The following TMEM132D variants were observed in gnomAD, a reference collection of about 807,000 sequenced individuals.
TMEM132D encodes mature OL transmembrane protein.
TMEM132D carries 21 observed loss-of-function variants against 62.3 expected under a neutral mutation model. That is an observed-to-expected ratio of 0.34 (90% confidence interval 0.24 to 0.49). The LOEUF is 0.49. TMEM132D is among the 20% of genes least tolerant of loss of function. The pLI, the probability that TMEM132D is intolerant of heterozygous loss-of-function variation, is 0.99. For missense variants in TMEM132D, 1,346 were observed against 1,402.8 expected (o/e 0.96, Z 0.65); for synonymous variants, 621 against 575.6 (o/e 1.08, Z -1.13).
At chr12:129,768,004 G>A (rs865935655) in intron 1 of TMEM132D, among the ~76,000 whole-genome samples, 2 of 152,030 alleles carry the variant, frequency 1.3e-5, no homozygotes, top group African/African-American at 4.8e-5. Context: ...ATCAGATCTT[G>A]TAAGACTTAT....
chr12:129,496,442 C>A (rs1164455207), intron 3 of TMEM132D, among the ~76,000 whole-genome samples: 1 of 152,068 alleles, frequency 6.6e-6, no homozygotes, highest in Non-Finnish European at 1.5e-5. Flanking sequence ...CTGCGACCCC[C>A]TGATGTCTAA....
At chr12:129,264,344 G>C (rs1880630576) in intron 4 of TMEM132D, among the ~76,000 whole-genome samples, 1 of 152,082 alleles carries the variant, frequency 6.6e-6, no homozygotes, top group South Asian at 2.1e-4. Context: ...AGCAGAGATT[G>C]TGCCACTGCA....
At chr12:129,207,871 T>C (rs539830098) in intron 5 of TMEM132D, among the ~76,000 whole-genome samples, 3 of 152,356 alleles carry the variant, frequency 2.0e-5, no homozygotes, top group African/African-American at 4.8e-5. Flanking sequence ...GTAACTGAGA[T>C]AGCCTCCACC....
At chr12:129,109,573 C>G (rs1040188467) in intron 5 of TMEM132D, 5 of 152,390 alleles carry the variant, frequency 3.3e-5, no homozygotes, top group African/African-American at 9.7e-5. Flanking sequence ...TGGGAGGTAA[C>G]GGAATCACGG....
At chr12:129,624,590 C>G (rs1593094289) in intron 2 of TMEM132D, among the ~76,000 whole-genome samples, 1 of 152,370 alleles carries the variant, frequency 6.6e-6, no homozygotes, top group East Asian at 1.9e-4. Context: ...CCACTGTCAG[C>G]CCACGCCAAT....
chr12:129,084,971 C>T (rs1485945159), intron 5 of TMEM132D: 10 of 528,522 alleles, frequency 1.9e-5, no homozygotes, highest in East Asian at 3.2e-5. Flanking sequence ...CCAGGGGCTG[C>T]GTGTGTTGCC....
intron 3 of TMEM132D, among the ~76,000 whole-genome samples, chr12:129,439,439 G>A (rs918986677): frequency 6.6e-6 from 1 of 152,040 alleles, no homozygotes; most frequent in Admixed American, 6.6e-5. Context: ...AAGCACTGGA[G>A]TTGTTTTTTG....
At chr12:129,575,319 C>A (rs991134526) in intron 2 of TMEM132D, among the ~76,000 whole-genome samples, 78 of 151,734 alleles carry the variant, frequency 5.1e-4, no homozygotes, top group Non-Finnish European at 4.3e-4. Flanking sequence ...GTCATTCCGC[C>A]GGTCCTGCTC....
intron 1 of TMEM132D, among the ~76,000 whole-genome samples, chr12:129,801,940 G>A (rs868510805): frequency 0.014 from 2,092 of 151,176 alleles, 49 homozygotes; most frequent in African/African-American, 0.048. Flanking sequence ...GGGTATCAGC[G>A]ATGGAAGATG....
At chr12:129,300,998 C>T (rs1365335520) in intron 4 of TMEM132D, among the ~76,000 whole-genome samples, 1 of 152,174 alleles carries the variant, frequency 6.6e-6, no homozygotes, top group African/African-American at 2.4e-5. Context: ...TACATACATA[C>T]AAATGATCGA....
intron 2 of TMEM132D, among the ~76,000 whole-genome samples, chr12:129,594,269 C>T (rs929018356): frequency 2.0e-5 from 3 of 152,140 alleles, no homozygotes; most frequent in Admixed American, 1.3e-4. Context: ...GATGATGATT[C>T]GCTTCCACGT....
intron 3 of TMEM132D, among the ~76,000 whole-genome samples, chr12:129,497,717 T>G (rs898161881): frequency 2.0e-5 from 3 of 152,056 alleles, no homozygotes; most frequent in Non-Finnish European, 2.9e-5. Flanking sequence ...TGGAATACAT[T>G]GGTGTGATCA....
intron 5 of TMEM132D, chr12:129,170,362 T>C (rs1473779961): frequency 6.6e-6 from 1 of 152,182 alleles, no homozygotes; most frequent in East Asian, 1.9e-4. Flanking sequence ...ACCTTGGAGA[T>C]ATTGTGGATT....
intron 3 of TMEM132D, among the ~76,000 whole-genome samples, chr12:129,446,647 A>C (rs1873106067): frequency 1.3e-5 from 2 of 152,216 alleles, no homozygotes. Context: ...TGAATGATAA[A>C]AATATTCACA....
chr12:129,599,704 A>G (rs1878435797), intron 2 of TMEM132D, among the ~76,000 whole-genome samples: 1 of 152,222 alleles, frequency 6.6e-6, no homozygotes, highest in African/African-American at 2.4e-5. Context: ...CCATAAAGTG[A>G]GTCACACATT....
intron 3 of TMEM132D, among the ~76,000 whole-genome samples, chr12:129,476,557 G>A (rs1874262870): frequency 6.6e-6 from 1 of 152,176 alleles, no homozygotes; most frequent in African/African-American, 2.4e-5. Context: ...CACTCCTTGG[G>A]TCCAGGGGAT....
chr12:129,464,319 G>A (rs1000770955), intron 3 of TMEM132D, among the ~76,000 whole-genome samples: 2 of 151,968 alleles, frequency 1.3e-5, no homozygotes, highest in African/African-American at 4.8e-5. Flanking sequence ...TTTTGATGGG[G>A]TTGTTTTTTT....
chr12:129,545,596 C>T (rs1876710356), intron 2 of TMEM132D, among the ~76,000 whole-genome samples: 1 of 152,140 alleles, frequency 6.6e-6, no homozygotes, highest in Non-Finnish European at 1.5e-5. Context: ...AGACTTCATG[C>T]CCATTGCACA....
chr12:129,358,532 C>T (rs1205777917), intron 3 of TMEM132D, among the ~76,000 whole-genome samples: 1 of 152,126 alleles, frequency 6.6e-6, no homozygotes, highest in Non-Finnish European at 1.5e-5. Context: ...CTTCTTTATT[C>T]CAGCTCCCAG....
Sources: allele counts gnomAD v4.1 joint callset (sites outside exome capture counted in the v4.1 genomes callset), GRCh38; gene constraint gnomAD v4.1.1; transcripts MANE v1.5; gene names NCBI Gene and HGNC (gene_info 2026-07-23, HGNC 2026-07-21).